NAALADL2: variants seen among roughly 807,000 people sequenced by gnomAD.
NAALADL2 encodes the protein inactive N-acetylated-alpha-linked acidic dipeptidase-like protein 2.
NAALADL2 carries 76 observed loss-of-function variants against 87.2 expected under a neutral mutation model. The observed-to-expected ratio is 0.87, with a 90% CI of 0.72 to 1.05. NAALADL2 has a LOEUF of 1.05. Among genes scored for constraint, NAALADL2 ranks in the 50% least tolerant of loss-of-function variants. NAALADL2 has a pLI of 0.00. For missense variants in NAALADL2, 1,089 were observed against 945.8 expected (o/e 1.15, Z -1.99); for synonymous variants, 354 against 331.0 (o/e 1.07, Z -0.75).
intron 1 of NAALADL2, among the ~76,000 whole-genome samples, chr3:175,065,281 A>C (rs912980588): frequency 6.6e-6 from 1 of 152,188 alleles, no homozygotes; most frequent in Non-Finnish European, 1.5e-5. Flanking sequence ...TCCCTTGCTG[A>C]AGTCTTACTA....
intron 11 of NAALADL2, among the ~76,000 whole-genome samples, chr3:175,736,333 T>C (rs1744501941): frequency 6.6e-6 from 1 of 152,212 alleles, no homozygotes; most frequent in Non-Finnish European, 1.5e-5. Flanking sequence ...GATGTATTAA[T>C]ACTATTAGTT....
At chr3:175,415,830 C>T (rs1714529329) in intron 5 of NAALADL2, among the ~76,000 whole-genome samples, 1 of 150,082 alleles carries the variant, frequency 6.7e-6, no homozygotes, top group African/African-American at 2.4e-5. Context: ...AAAAAAAATT[C>T]AGATTGGGTG....
At chr3:175,670,832 T>G (rs1434830203) in intron 11 of NAALADL2, among the ~76,000 whole-genome samples, 1 of 151,348 alleles carries the variant, frequency 6.6e-6, no homozygotes, top group Non-Finnish European at 1.5e-5. Flanking sequence ...ATGTTATAAG[T>G]AAAATGTTAT....
At chr3:174,617,062 T>C (rs1458568896) in intron 2 of NAALADL2, among the ~76,000 whole-genome samples, 1 of 151,808 alleles carries the variant, frequency 6.6e-6, no homozygotes, top group Non-Finnish European at 1.5e-5. Flanking sequence ...TAACTTTGTA[T>C]GGGTATTAAA....
At chr3:175,632,597 G>T (rs1183226477) in intron 11 of NAALADL2, among the ~76,000 whole-genome samples, 1 of 152,108 alleles carries the variant, frequency 6.6e-6, no homozygotes, top group Non-Finnish European at 1.5e-5. Flanking sequence ...AGGACAGGAT[G>T]TATGATATAG....
At chr3:175,093,585 T>C (rs1206870056) in intron 1 of NAALADL2, among the ~76,000 whole-genome samples, 1 of 148,990 alleles carries the variant, frequency 6.7e-6, no homozygotes, top group Admixed American at 6.7e-5. Flanking sequence ...TATTTACATG[T>C]ATTTGATATA....
rs558251440 is a variant in NAALADL2 at position 174,941,332 on chromosome 3, C to T, written c.43+81882C>T. ...TTTAAGCAATGTGTTTTTCAGTCTT[C>T]TCTTTTTTTTGCACTATGGTCCGAG... On this transcript the variant is annotated intron_variant, in intron 1 of 13. Coordinates refer to ENST00000454872, the MANE Select transcript of NAALADL2 (RefSeq NM_207015.3). 3.6e-3 allele frequency among the ~76,000 whole-genome samples: 545 copies of T among 152,074 alleles called. 4 individuals carry two copies. Among genetic ancestry groups the T allele is most frequent in the African/African-American group, 0.013 (529 of 41,536 alleles).
chr3:174,717,338 C>A (rs1432772190), intron 2 of NAALADL2, among the ~76,000 whole-genome samples: 1 of 151,980 alleles, frequency 6.6e-6, no homozygotes, highest in Non-Finnish European at 1.5e-5. Flanking sequence ...TTTTGATGCA[C>A]CAGAGACTTT....
At chr3:175,665,977 G>T (rs1732935969) in intron 11 of NAALADL2, among the ~76,000 whole-genome samples, 1 of 151,754 alleles carries the variant, frequency 6.6e-6, no homozygotes, top group Non-Finnish European at 1.5e-5. Context: ...TCAAAATTTT[G>T]TTTTCCAGAA....
chr3:175,022,857 G>A (rs1180451394), intron 1 of NAALADL2, among the ~76,000 whole-genome samples: 2 of 152,054 alleles, frequency 1.3e-5, no homozygotes, highest in Non-Finnish European at 2.9e-5. Flanking sequence ...TTGAAAATTT[G>A]TGAAGTGTCT....
At chr3:175,172,751 A>G (rs111695779) in intron 2 of NAALADL2, among the ~76,000 whole-genome samples, 306 of 152,272 alleles carry the variant, frequency 2.0e-3, no homozygotes, top group Non-Finnish European at 2.7e-3. Flanking sequence ...ATTTCATTGA[A>G]GAAATGAGGC....
chr3:175,320,402 G>A (rs185141270), intron 4 of NAALADL2, among the ~76,000 whole-genome samples: 22 of 152,216 alleles, frequency 1.4e-4, no homozygotes, highest in African/African-American at 4.6e-4. Flanking sequence ...AACGACGGGG[G>A]CAGAACAAGG....
At chr3:174,480,808 T>C (rs889007907) in intron 1 of NAALADL2, among the ~76,000 whole-genome samples, 2 of 152,044 alleles carry the variant, frequency 1.3e-5, no homozygotes, top group African/African-American at 4.8e-5. Flanking sequence ...GGTATCAGGA[T>C]TGTGAGAGCC....
At chr3:174,872,692 G>A (rs879318060) in intron 1 of NAALADL2, among the ~76,000 whole-genome samples, 1 of 151,654 alleles carries the variant, frequency 6.6e-6, no homozygotes, top group Non-Finnish European at 1.5e-5. Context: ...ACACTGTAAT[G>A]TGAAAAAGGA....
chr3:175,330,843 T>C (rs1437302502), intron 5 of NAALADL2, among the ~76,000 whole-genome samples: 2 of 151,486 alleles, frequency 1.3e-5, no homozygotes, highest in East Asian at 1.9e-4. Context: ...CTTGAAAAAA[T>C]ACAAAACAGC....
intron 6 of NAALADL2, among the ~76,000 whole-genome samples, chr3:175,450,493 A>G (rs888745627): frequency 6.6e-6 from 1 of 152,164 alleles, no homozygotes; most frequent in African/African-American, 2.4e-5. Context: ...TGCACACTAA[A>G]TCAAAATTCT....
intron 2 of NAALADL2, among the ~76,000 whole-genome samples, chr3:175,179,141 T>C (rs139245898): frequency 2.0e-5 from 3 of 152,200 alleles, no homozygotes; most frequent in African/African-American, 7.2e-5. Context: ...CTTTCCTAAC[T>C]GCTCCTAACA....
At chr3:174,875,327 A>G (rs911122509) in intron 1 of NAALADL2, among the ~76,000 whole-genome samples, 4 of 152,200 alleles carry the variant, frequency 2.6e-5, no homozygotes, top group Non-Finnish European at 4.4e-5. Context: ...AGGAGTGAAA[A>G]GAGTAGACTT....
chr3:175,364,256 A>G (rs1490886794), intron 5 of NAALADL2, among the ~76,000 whole-genome samples: 1 of 148,078 alleles, frequency 6.8e-6, no homozygotes, highest in African/African-American at 2.5e-5. Context: ...TTATCTTAAG[A>G]TCAGAAAATA....
Sources: gnomAD v4.1 joint callset for allele counts (sites outside exome capture counted in the v4.1 genomes callset) on GRCh38, gnomAD v4.1.1 for gene constraint, MANE v1.5 for transcripts, NCBI Gene and HGNC (gene_info 2026-07-23, HGNC 2026-07-21) for gene names.